PLAAT5: variants seen among roughly 807,000 people sequenced by gnomAD.
The protein encoded by PLAAT5 is Ca(2+)-independent N-acyltransferase.
In PLAAT5, 27 loss-of-function variants were observed where a neutral mutation model predicts 27.8. The ratio of observed to expected loss-of-function variants is 0.97; its 90% CI spans 0.72 to 1.34. The LOEUF is 1.34. Ranked by LOEUF, PLAAT5 falls within the 40% of genes most tolerant of loss-of-function variation. The pLI is 0.00. For missense variants in PLAAT5, 368 were observed against 343.8 expected, an observed-to-expected ratio of 1.07 and a Z score of -0.56; for synonymous variants, 125 against 136.1, an observed-to-expected ratio of 0.92 and a Z score of 0.57.
chr11:63,474,468 T>C (rs559709848), intron 3 of PLAAT5, among the ~76,000 whole-genome samples: 1 of 152,150 alleles, frequency 6.6e-6, no homozygotes. Flanking sequence ...TTGCTTAAAG[T>C]TTTTCATAGT....
At position 63,476,761 on chromosome 11, in the gene PLAAT5, A is replaced by G. The variant is rs547169775; in HGVS notation, c.346-8296T>C. 2.6e-5 allele frequency among the ~76,000 whole-genome samples: 4 copies of G among 152,252 alleles called. No individual in the cohort carries two copies. In the South Asian group the frequency reaches 6.2e-4, roughly 24 times the overall value. On this transcript the variant is annotated intron_variant, in intron 3 of 5. Coordinates refer to ENST00000540857, the MANE Select transcript of PLAAT5 (RefSeq NM_001146729.2). ...GAAAGTATTCAGTTATCTTTTATAT[A>G]GGTATTTTTTTCTGCCTTTTTATCA...
At chr11:63,464,077 C>T (rs898013754) in intron 5 of PLAAT5, among the ~76,000 whole-genome samples, 3 of 152,128 alleles carry the variant, frequency 2.0e-5, no homozygotes, top group South Asian at 2.1e-4. Context: ...CAAATTCTCA[C>T]GGGACGGGAG....
intron 4 of PLAAT5, among the ~76,000 whole-genome samples, chr11:63,466,881 C>G (rs970850941): frequency 6.6e-6 from 1 of 152,168 alleles, no homozygotes; most frequent in Admixed American, 6.5e-5. Flanking sequence ...CAGCTTCCAC[C>G]TACAGCCACT....
In PLAAT5 at chr11:63,478,457, G is replaced by C. The variant is rs563506133; in HGVS notation, c.346-9992C>G. Among the ~76,000 whole-genome samples the C allele has an allele frequency of 1.4e-4, 21 of 152,276 alleles. No individual in the cohort carries two copies. In the South Asian group the frequency reaches 2.5e-3, roughly 18 times the overall value. On this transcript the variant is annotated intron_variant, in intron 3 of 5. Coordinates refer to ENST00000540857, the MANE Select transcript of PLAAT5 (RefSeq NM_001146729.2). ...CTGCCTCAGCCACCCGAGTAGCTGG[G>C]ACTACAGGCTCGCGCCACCACGCCC...
intron 3 of PLAAT5, among the ~76,000 whole-genome samples, chr11:63,479,787 C>A (rs1161900176): frequency 1.3e-5 from 2 of 152,140 alleles, no homozygotes; most frequent in East Asian, 3.8e-4. Context: ...AAAAGATGAA[C>A]AAGAAGTGAA....
intron 3 of PLAAT5, among the ~76,000 whole-genome samples, chr11:63,485,406 C>T (rs1015718467): frequency 5.9e-5 from 9 of 152,162 alleles, no homozygotes; most frequent in African/African-American, 2.2e-4. Flanking sequence ...GTTACCAAAA[C>T]AGCATGGTAC....
At chr11:63,463,786 T>C (rs113932586) in intron 5 of PLAAT5, among the ~76,000 whole-genome samples, 191 bp from the exon 6 acceptor site, 5 of 152,276 alleles carry the variant, frequency 3.3e-5, no homozygotes, top group African/African-American at 1.2e-4. Context: ...GCCAGGATTG[T>C]TGGAGACAGA....
rs1043016550 is a variant in PLAAT5 at position 63,463,124 on chromosome 11, T to C, written c.*379A>G. 1.1e-5 allele frequency: 2 copies of C among 184,156 alleles called. No homozygotes were observed. The highest frequency in any genetic ancestry group is 2.3e-5 in the Non-Finnish European group (2 of 88,668). 11.4% of individuals were successfully genotyped at this position (184,156 alleles called of 1,614,324 possible). ...GAACATCTGGAAAAAGACATCTTCG[T>C]TACTGGAAATATTCAAGCAGAGGTT... On this transcript the variant is annotated 3_prime_UTR_variant, in exon 6 of 6. Transcript: ENST00000540857.
intron 3 of PLAAT5, among the ~76,000 whole-genome samples, chr11:63,476,645 CTT>C (rs1395243102): frequency 6.6e-6 from 1 of 151,984 alleles, no homozygotes; most frequent in African/African-American, 2.4e-5. Flanking sequence ...AAGATTCTCT[CTT>C]TGTGTTTGGC....
chr11:63,484,268 G>A lies in PLAAT5; in HGVS notation c.345+4603C>T, dbSNP rs114696626. ...AACTATTCCAAAAGACAGAGAAAGG[G>A]GGAATGCTCCCTAAATCCTTATATA... On this transcript the variant is annotated intron_variant, in intron 3 of 5. Transcript: ENST00000540857. Among the ~76,000 whole-genome samples, 1,411 of 151,720 alleles carry A rather than the reference G, an allele frequency of 9.3e-3. 27 individuals carry two copies. The highest frequency in any genetic ancestry group is 0.033 in the African/African-American group (1,351 of 41,414).
At chr11:63,473,807 C>G (rs12280687) in intron 3 of PLAAT5, among the ~76,000 whole-genome samples, 29,978 of 150,508 alleles carry the variant, frequency 0.2, 6,596 homozygotes, top group African/African-American at 0.55. Context: ...CCACCTCCTG[C>G]GTTCAAGTGA....
chr11:63,476,103 C>T (rs1442891710), intron 3 of PLAAT5, among the ~76,000 whole-genome samples: 1 of 152,048 alleles, frequency 6.6e-6, no homozygotes, highest in African/African-American at 2.4e-5. Flanking sequence ...GATTAAGATA[C>T]TTACTGTCTG....
At chr11:63,487,751 G>A (rs2016469953) in intron 3 of PLAAT5, among the ~76,000 whole-genome samples, 1 of 152,178 alleles carries the variant, frequency 6.6e-6, no homozygotes, top group Non-Finnish European at 1.5e-5. Context: ...ATCAACAGGT[G>A]AACACATAAA....
Position 63,463,304 on chromosome 11 carries a change from T to C in PLAAT5, c.*199A>G. 1.7e-6 allele frequency: 1 copy of C among 604,390 alleles called. No individual in the cohort carries two copies. The highest frequency in any genetic ancestry group is 3.0e-6 in the Non-Finnish European group (1 of 336,064). 37.4% of individuals were successfully genotyped at this position (604,390 alleles called of 1,614,324 possible). The stretch of plus-strand genomic sequence containing the variant: ...TAAGAGATACACACTAGATACCAGA[T>C]CCTTCCCATCCTGAGAGTCTGTGGG... On this transcript the variant is annotated 3_prime_UTR_variant, in exon 6 of 6. Transcript: ENST00000540857.
intron 3 of PLAAT5, chr11:63,469,655 C>A: frequency 5.1e-6 from 1 of 194,362 alleles, no homozygotes; most frequent in Non-Finnish European, 1.2e-5. Context: ...TAATTAATGT[C>A]ATTAATGTCG....
rs373790972 is a variant in PLAAT5, at chr11:63,490,397, C to A, written c.149-64G>T. ...GGAGAGTTCGAGCAAGCACCTTGAC[C>A]GCTACGGAGAGTGGGCTCAGAGCTC... is the stretch of plus-strand genomic sequence containing the variant. On this transcript the variant is annotated intron_variant, in intron 1 of 5. Coordinates refer to ENST00000540857, the MANE Select transcript of PLAAT5 (RefSeq NM_001146729.2). 2.5e-5 allele frequency: 40 copies of A among 1,612,020 alleles called. 1 individual carries two copies. The Admixed American group carries it at 5.5e-4, about 22-fold the overall frequency.
chr11:63,467,550 C>A (rs2015896109), intron 4 of PLAAT5, among the ~76,000 whole-genome samples: 1 of 152,168 alleles, frequency 6.6e-6, no homozygotes, highest in East Asian at 1.9e-4. Context: ...TGGTATAGTG[C>A]CCTTCTGTAA....
At chr11:63,473,425 C>G (rs768834270) in intron 3 of PLAAT5, among the ~76,000 whole-genome samples, 1 of 152,098 alleles carries the variant, frequency 6.6e-6, no homozygotes, top group African/African-American at 2.4e-5. Context: ...AAAATGTGTG[C>G]GACTCACTTT....
intron 3 of PLAAT5, among the ~76,000 whole-genome samples, chr11:63,485,998 T>C (rs1251475165): frequency 6.6e-6 from 1 of 152,058 alleles, no homozygotes; most frequent in Non-Finnish European, 1.5e-5. Context: ...AAAGAAGATA[T>C]ACAAATGGCC....
Sources: allele counts gnomAD v4.1 joint callset (sites outside exome capture counted in the v4.1 genomes callset), GRCh38; gene constraint gnomAD v4.1.1; transcripts MANE v1.5; gene names NCBI Gene and HGNC (gene_info 2026-07-23, HGNC 2026-07-21).